VMP1: variants seen among roughly 807,000 people sequenced by gnomAD.
The protein encoded by VMP1 is vacuole membrane protein 1.
A neutral mutation model predicts 56.0 loss-of-function variants in VMP1; 11 were observed. The observed-to-expected ratio is 0.20, with a 90% confidence interval of 0.12 to 0.32. The LOEUF is 0.32. VMP1 is among the 10% of genes least tolerant of loss of function. The pLI is 1.00. For synonymous variants in VMP1, 149 were observed against 165.0 expected (o/e 0.90, Z 0.74); for missense variants, 296 against 490.3 (o/e 0.60, Z 3.74).
At chr17:59,816,940 C>T (rs192845094) in intron 9 of VMP1, among the ~76,000 whole-genome samples, 127 of 127,672 alleles carry the variant, frequency 9.9e-4, no homozygotes, top group African/African-American at 3.4e-3. Context: ...AAGGAGACTC[C>T]GTCTCAAAAA....
intron 1 of VMP1, among the ~76,000 whole-genome samples, chr17:59,725,276 C>T (rs2034558961): frequency 6.6e-6 from 1 of 152,156 alleles, no homozygotes; most frequent in Non-Finnish European, 1.5e-5. Context: ...TGTTCAGCTT[C>T]TTAGACAGAT....
chr17:59,793,117 A>G (rs552042489), intron 7 of VMP1, among the ~76,000 whole-genome samples: 1 of 111,574 alleles, frequency 9.0e-6, no homozygotes, highest in African/African-American at 2.6e-5. Context: ...AGTTCAAGCA[A>G]TTCTCCTGCC....
intron 1 of VMP1, among the ~76,000 whole-genome samples, chr17:59,726,413 C>T (rs967554807): frequency 8.6e-5 from 13 of 152,030 alleles, no homozygotes; most frequent in African/African-American, 3.1e-4. Context: ...CCTGCCTCAG[C>T]CTCCCGAGTA....
chr17:59,831,916 T>C (rs997446114), intron 10 of VMP1, among the ~76,000 whole-genome samples: 5 of 152,132 alleles, frequency 3.3e-5, no homozygotes, highest in African/African-American at 7.2e-5. Context: ...TTACCCAGGC[T>C]GGAATGCAGT....
chr17:59,782,318 A>G (rs1435487302), intron 7 of VMP1, among the ~76,000 whole-genome samples: 3 of 152,162 alleles, frequency 2.0e-5, no homozygotes, highest in Non-Finnish European at 2.9e-5. Flanking sequence ...TTTCTTAGGT[A>G]ATTAACTAAT....
chr17:59,781,402 A>G (rs1245017763), intron 7 of VMP1, among the ~76,000 whole-genome samples: 1 of 152,218 alleles, frequency 6.6e-6, no homozygotes, highest in African/African-American at 2.4e-5. Flanking sequence ...CTTTGCATAC[A>G]TAACTTTTTA....
intron 6 of VMP1, among the ~76,000 whole-genome samples, chr17:59,766,943 C>T (rs932469997): frequency 2.6e-5 from 4 of 152,032 alleles, no homozygotes; most frequent in Admixed American, 2.6e-4. Flanking sequence ...CCACGCTCGG[C>T]TGATTTTTTT....
At chr17:59,835,412 C>T (rs2038948477) in intron 10 of VMP1, among the ~76,000 whole-genome samples, 2 of 152,066 alleles carry the variant, frequency 1.3e-5, no homozygotes, top group South Asian at 2.1e-4. Flanking sequence ...CAGGTGTGAG[C>T]CACTGCACCT....
chr17:59,750,365 G>A (rs190595593), intron 5 of VMP1, among the ~76,000 whole-genome samples: 59 of 150,376 alleles, frequency 3.9e-4, no homozygotes, highest in African/African-American at 1.4e-3. Context: ...GCAGTGGTGC[G>A]AACTCGGCTC....
chr17:59,715,635 C>T (rs2034123689), intron 1 of VMP1, among the ~76,000 whole-genome samples: 1 of 152,144 alleles, frequency 6.6e-6, no homozygotes, highest in Admixed American at 6.5e-5. Context: ...ATCAAGTCTT[C>T]CAAACAATCA....
intron 7 of VMP1, among the ~76,000 whole-genome samples, chr17:59,787,035 A>G (rs2037029484): frequency 6.6e-6 from 1 of 152,232 alleles, no homozygotes; most frequent in African/African-American, 2.4e-5. Flanking sequence ...CAGTTGGCTC[A>G]TGATTTTATC....
Position 59,824,445 on chromosome 17 carries a change from C to T in VMP1, c.974+6672C>T, listed in dbSNP as rs1598447713. 3.3e-5 allele frequency among the ~76,000 whole-genome samples: 5 copies of T among 149,696 alleles called. No homozygotes were observed. The East Asian group carries it at 7.9e-4, about 24-fold the overall frequency. ...AAAATTAGCCGGGCGTGGGGGTGGG[C>T]GTCTATAATCCCAGCTACTCGGGAG... is the stretch of plus-strand genomic sequence containing the variant. On this transcript the variant is annotated intron_variant, in intron 10 of 11. Transcript: ENST00000262291.
chr17:59,841,174 G>T lies in VMP1; in HGVS notation c.*1263G>T. The stretch of plus-strand genomic sequence containing the variant: ...AGGCCAGAAATGCCTGGGTTTTTTT[G>T]GTTTGTTTTTGTTTTTGTTTTTTTA... On this transcript the variant is annotated 3_prime_UTR_variant, in exon 12 of 12. Transcript: ENST00000262291. 2.6e-6 allele frequency: 1 copy of T among 386,996 alleles called. No homozygotes were observed. Among genetic ancestry groups the T allele is most frequent in the Admixed American group, 2.4e-5 (1 of 41,192 alleles). The allele number at this position is 386,996 out of a possible 1,614,324, so 24.0% of individuals were successfully genotyped here.
At chr17:59,784,946 A>G (rs1044482457) in intron 7 of VMP1, 47 of 152,284 alleles carry the variant, frequency 3.1e-4, no homozygotes, top group African/African-American at 1.1e-3. Context: ...AAAATTATAT[A>G]CTTTAGAAAC....
intron 8 of VMP1, among the ~76,000 whole-genome samples, chr17:59,811,011 C>T (rs945832945): frequency 6.6e-6 from 1 of 152,178 alleles, no homozygotes; most frequent in Non-Finnish European, 1.5e-5. Flanking sequence ...GTATTCAAAA[C>T]ATCTGAATCT....
At position 59,764,961 on chromosome 17, in the gene VMP1, T is replaced by G. The variant is rs1367136607; in HGVS notation, c.415-10T>G. 6.6e-7 allele frequency: 1 copy of G among 1,506,156 alleles called. No individual in the cohort carries two copies. Among genetic ancestry groups the G allele is most frequent in the Non-Finnish European group, 8.9e-7 (1 of 1,127,436 alleles). The allele number at this position is 1,506,156 out of a possible 1,614,324, so 93.3% of individuals were successfully genotyped here. A position where few individuals can be genotyped will look rare whatever the true frequency, so the allele number is the denominator to read the frequency against. ...GTTCTTATCAGAAGTTTCTTGTATT[T>G]GTTTTATAGGGTCCACATATAGCCT... On this transcript the variant is annotated splice_polypyrimidine_tract_variant and intron_variant, in intron 5 of 11. Transcript: ENST00000262291.
intron 5 of VMP1, among the ~76,000 whole-genome samples, chr17:59,744,092 G>T (rs1299818229): frequency 2.6e-3 from 377 of 144,200 alleles, no homozygotes; most frequent in African/African-American, 8.7e-3. Context: ...TGAGGTTTTT[G>T]TTTTTTTTTT....
At chr17:59,806,184 A>C (rs1182165147) in intron 7 of VMP1, among the ~76,000 whole-genome samples, 1 of 152,178 alleles carries the variant, frequency 6.6e-6, no homozygotes, top group Non-Finnish European at 1.5e-5. Flanking sequence ...TGGATTTTGC[A>C]GAAGGATAGG....
At chr17:59,831,899 C>T (rs1039088786) in intron 10 of VMP1, among the ~76,000 whole-genome samples, 1 of 151,760 alleles carries the variant, frequency 6.6e-6, no homozygotes, top group Non-Finnish European at 1.5e-5. Flanking sequence ...GACAGGATCT[C>T]ACTATTTTAC....
Sources: gnomAD v4.1 joint callset for allele counts (sites outside exome capture counted in the v4.1 genomes callset) on GRCh38, gnomAD v4.1.1 for gene constraint, MANE v1.5 for transcripts, NCBI Gene and HGNC (gene_info 2026-07-23, HGNC 2026-07-21) for gene names.